The following PACS1 variants were observed in gnomAD, a reference collection of about 807,000 sequenced individuals.
PACS1 encodes the protein phosphofurin acidic cluster sorting protein 1.
In PACS1, 24 loss-of-function variants were observed where a neutral mutation model predicts 115.0. That is an observed-to-expected ratio of 0.21 (90% CI 0.15 to 0.29). The LOEUF is 0.29. Ranked by LOEUF, PACS1 falls within the 10% of genes least tolerant of loss-of-function variation. The pLI, the probability that PACS1 is intolerant of heterozygous loss-of-function variation, is 1.00. For missense variants in PACS1, 838 were observed against 1,251.2 expected, an observed-to-expected ratio of 0.67 and a Z score of 4.98; for synonymous variants, 453 against 504.5, an observed-to-expected ratio of 0.90 and a Z score of 1.37.
chr11:66,167,183 G>A (rs1859624151), intron 1 of PACS1, among the ~76,000 whole-genome samples: 1 of 150,160 alleles, frequency 6.7e-6, no homozygotes, highest in African/African-American at 2.5e-5. Flanking sequence ...ATCCATTAGT[G>A]TTTCCTCTTC....
At chr11:66,164,270 C>G (rs1382401699) in intron 1 of PACS1, among the ~76,000 whole-genome samples, 1 of 151,996 alleles carries the variant, frequency 6.6e-6, no homozygotes, top group Non-Finnish European at 1.5e-5. Context: ...GTTCATCACT[C>G]AAGTCTCGTT....
chr11:66,213,602 C>T (rs1855129519), intron 4 of PACS1, among the ~76,000 whole-genome samples: 1 of 152,256 alleles, frequency 6.6e-6, no homozygotes, highest in Non-Finnish European at 1.5e-5. Flanking sequence ...CTCGTGTCTA[C>T]ACACGTCACA....
At chr11:66,104,613 C>G (rs1292058012) in intron 1 of PACS1, among the ~76,000 whole-genome samples, 4 of 152,156 alleles carry the variant, frequency 2.6e-5, no homozygotes, top group Non-Finnish European at 4.4e-5. Flanking sequence ...TTGCCAACCT[C>G]TGATCTAGAA....
chr11:66,079,276 T>C (rs1857442754), intron 1 of PACS1, among the ~76,000 whole-genome samples: 1 of 151,090 alleles, frequency 6.6e-6, no homozygotes, highest in African/African-American at 2.4e-5. Flanking sequence ...TTGTTCCTCT[T>C]GGTAGGTGAG....
In PACS1 at chr11:66,235,268, T is replaced by C. The variant is rs1249642092; in HGVS notation, c.2105-33T>C. 1.3e-6 allele frequency: 2 copies of C among 1,523,206 alleles called. No homozygotes were observed. Among genetic ancestry groups the C allele is most frequent in the African/African-American group, 1.4e-5 (1 of 73,070 alleles). 94.4% of individuals were successfully genotyped at this position (1,523,206 alleles called of 1,614,324 possible). A position where few individuals can be genotyped will look rare whatever the true frequency, so the allele number is the denominator to read the frequency against. ...CTGCAGGTTTGCCAGCTGAAGTCAGTAGGCAGTTAGTGATCTCTTGGCTTT... is the reference window on the plus strand; with the variant it reads ...CTGCAGGTTTGCCAGCTGAAGTCAGCAGGCAGTTAGTGATCTCTTGGCTTT... On this transcript the variant is annotated intron_variant, in intron 17 of 23. Transcript: ENST00000320580. The surrounding 1 kb of genome is among the most constrained non-coding windows in gnomAD (Gnocchi z 5.6).
intron 1 of PACS1, among the ~76,000 whole-genome samples, chr11:66,089,580 A>G (rs561198031): frequency 1.3e-5 from 2 of 152,210 alleles, no homozygotes; most frequent in Non-Finnish European, 2.9e-5. Flanking sequence ...TTTGGGGTCT[A>G]TGACCTTTTG....
chr11:66,188,434 G>A (rs1340105512), intron 1 of PACS1, among the ~76,000 whole-genome samples: 9 of 151,996 alleles, frequency 5.9e-5, no homozygotes, highest in Non-Finnish European at 1.3e-4. Context: ...CTACCAAATG[G>A]TTTTCTCGAG....
At chr11:66,099,552 G>A (rs1857866263) in intron 1 of PACS1, among the ~76,000 whole-genome samples, 1 of 150,506 alleles carries the variant, frequency 6.6e-6, no homozygotes, top group Non-Finnish European at 1.5e-5. Context: ...TTTCTTTTTT[G>A]GGGGGGTTTT....
chr11:66,215,077 C>T (rs573146651), intron 4 of PACS1, among the ~76,000 whole-genome samples: 17 of 152,036 alleles, frequency 1.1e-4, no homozygotes, highest in Admixed American at 7.9e-4. Flanking sequence ...GGACTACAGG[C>T]GCCCACCACC....
At chr11:66,114,311 G>A (rs1324144168) in intron 1 of PACS1, among the ~76,000 whole-genome samples, 5 of 151,766 alleles carry the variant, frequency 3.3e-5, no homozygotes, top group African/African-American at 7.3e-5. Flanking sequence ...ACAGCTACTC[G>A]GGAGGCTGAG....
chr11:66,156,338 T>C (rs1467153034), intron 1 of PACS1, among the ~76,000 whole-genome samples: 2 of 148,394 alleles, frequency 1.3e-5, no homozygotes, highest in Non-Finnish European at 3.0e-5. Flanking sequence ...CTGCAACTTC[T>C]GCCCCCCGGG....
At position 66,235,998 on chromosome 11, in the gene PACS1, C is replaced by T. The variant is rs1333782920; in HGVS notation, c.2250+58C>T. 2 of 1,460,880 alleles carry T rather than the reference C, an allele frequency of 1.4e-6. No individual in the cohort carries two copies. Among genetic ancestry groups the T allele is most frequent in the Non-Finnish European group, 1.9e-6 (2 of 1,040,240 alleles). The allele number at this position is 1,460,880 out of a possible 1,614,324, so 90.5% of individuals were successfully genotyped here. On this transcript the variant is annotated intron_variant, in intron 19 of 23. Coordinates refer to ENST00000320580, the MANE Select transcript of PACS1 (RefSeq NM_018026.4). The surrounding 1 kb of genome is among the most constrained non-coding windows in gnomAD (Gnocchi z 5.6). ...CCCGTTCTCCTGGTCTTCCTGTTCC[C>T]CCTTACACAGGAAAACAAAAGATTC...
chr11:66,232,370 A>T, intron 14 of PACS1, 94 bp downstream of exon 14: 1 of 724,486 alleles, frequency 1.4e-6, no homozygotes, highest in Non-Finnish European at 2.4e-6. Context: ...TTGCGTGGGG[A>T]GGTGGGGAAC....
chr11:66,132,040 C>T (rs1000079845), intron 1 of PACS1, among the ~76,000 whole-genome samples: 1 of 152,032 alleles, frequency 6.6e-6, no homozygotes, highest in African/African-American at 2.4e-5. Flanking sequence ...ATTGGTTCCA[C>T]GAGCAGCCCT....
chr11:66,214,989 A>G (rs1855165521), intron 4 of PACS1, among the ~76,000 whole-genome samples: 1 of 150,380 alleles, frequency 6.6e-6, no homozygotes, highest in African/African-American at 2.5e-5. Context: ...CTGGAGTGCA[A>G]TGGCACAATC....
chr11:66,123,843 CT>C (rs112896728), intron 1 of PACS1, among the ~76,000 whole-genome samples: 3,608 of 145,738 alleles, frequency 0.025, 53 homozygotes, highest in African/African-American at 0.041. Context: ...AAAGTATATA[CT>C]TTTTTTTTTT....
intron 1 of PACS1, among the ~76,000 whole-genome samples, chr11:66,139,818 C>CAG (rs1858937555): frequency 6.6e-6 from 1 of 152,150 alleles, no homozygotes; most frequent in Admixed American, 6.5e-5. Flanking sequence ...CATGGGAATG[C>CAG]AGAGACCTCT....
chr11:66,115,885 G>A (rs140676571), intron 1 of PACS1, among the ~76,000 whole-genome samples: 123 of 152,296 alleles, frequency 8.1e-4, no homozygotes, highest in Non-Finnish European at 1.3e-3. Flanking sequence ...TTTGTTCTCT[G>A]GCGGTTTCAG....
Position 66,079,992 on chromosome 11 carries a change from C to T in PACS1, c.356+9150C>T, listed in dbSNP as rs116140553. Among the ~76,000 whole-genome samples, 728 of 152,332 alleles carry T rather than the reference C, an allele frequency of 4.8e-3. 8 individuals are homozygous for T. Among genetic ancestry groups the T allele is most frequent in the African/African-American group, 0.014 (599 of 41,556 alleles). On this transcript the variant is annotated intron_variant, in intron 1 of 23. Coordinates refer to ENST00000320580, the MANE Select transcript of PACS1 (RefSeq NM_018026.4). ...TGGGTATCATTCAGCTCTTCACTGA[C>T]CTGCTACCTTGGAAGGCTGTCCTCA... is the stretch of plus-strand genomic sequence containing the variant.
Sources: gnomAD v4.1 joint callset for allele counts (sites outside exome capture counted in the v4.1 genomes callset) on GRCh38, gnomAD v4.1.1 for gene constraint, Gnocchi (gnomAD v3.1) non-coding constraint, MANE v1.5 for transcripts, NCBI Gene and HGNC (gene_info 2026-07-23, HGNC 2026-07-21) for gene names.